The following SYT12 variants were observed in gnomAD, a reference collection of about 807,000 sequenced individuals.
SYT12 encodes the protein synaptotagmin-12.
SYT12 carries 27 observed loss-of-function variants against 39.5 expected under a neutral mutation model. The observed-to-expected ratio is 0.68, with a 90% CI of 0.50 to 0.94. The LOEUF (loss-of-function observed/expected upper bound fraction) is 0.94, where lower values mean the gene tolerates loss of function less well. Among genes scored for constraint, SYT12 ranks in the 40% least tolerant of loss-of-function variants. SYT12 has a pLI of 0.00. For synonymous variants in SYT12, 233 were observed against 239.7 expected, an observed-to-expected ratio of 0.97 and a Z score of 0.26; for missense variants, 536 against 572.6, an observed-to-expected ratio of 0.94 and a Z score of 0.65.
At chr11:67,044,747 T>C (rs577376002) in intron 6 of SYT12, 34 bp downstream of exon 6, 14 of 1,611,610 alleles carry the variant, frequency 8.7e-6, no homozygotes, top group Non-Finnish European at 1.2e-5. Context: ...CTCCTCCACG[T>C]AGCTCAGTGG....
At chr11:67,047,339 G>GC (rs71045976) in intron 7 of SYT12, among the ~76,000 whole-genome samples, 147,027 of 147,064 alleles carry the variant, frequency 1, 73,495 homozygotes, top group Admixed American at 1. Flanking sequence ...AGTGATCTTG[G>GC]TCACTGCAAC....
Position 67,043,245 on chromosome 11 carries a change from G to A in SYT12, c.622-393G>A, listed in dbSNP as rs552706409. The stretch of plus-strand genomic sequence containing the variant: ...TGGGCCAGGCTCTGCAGGAACCTGG[G>A]ACGTCAGTGGCTCGTGACTCCACAG... On this transcript the variant is annotated intron_variant, in intron 4 of 7. Coordinates refer to ENST00000527043, the MANE Select transcript of SYT12 (RefSeq NM_177963.4). Among the ~76,000 whole-genome samples the A allele has an allele frequency of 4.6e-5, 7 of 152,312 alleles. No homozygotes were observed. The South Asian group carries it at 1.5e-3, about 32-fold the overall frequency.
At chr11:67,014,575 C>T (rs1475560074) in intron 3 of SYT12, among the ~76,000 whole-genome samples, 1 of 152,192 alleles carries the variant, frequency 6.6e-6, no homozygotes, top group East Asian at 1.9e-4. Flanking sequence ...AGGCAGGGGA[C>T]CCAGCAACTG....
rs897160482 is a variant in SYT12, at chr11:67,050,410, A to G, written c.*1653A>G. On this transcript the variant is annotated 3_prime_UTR_variant, in exon 8 of 8. Transcript: ENST00000527043. Reference sequence around the variant, plus strand: ...TTCCTTGGTCCATAACTGGTGAGCTATGGAGACCCAGGCCAACAAATTATC... The same window carrying G: ...TTCCTTGGTCCATAACTGGTGAGCTGTGGAGACCCAGGCCAACAAATTATC... The G allele has an allele frequency of 5.2e-5, 8 of 152,558 alleles. No individual in the cohort carries two copies. The highest frequency in any genetic ancestry group is 7.3e-5 in the Non-Finnish European group (5 of 68,326). 9.5% of individuals were successfully genotyped at this position (152,558 alleles called of 1,614,324 possible).
chr11:67,039,725 C>T, intron 3 of SYT12, 86 bp from the exon 4 acceptor site: 4 of 1,461,550 alleles, frequency 2.7e-6, no homozygotes, highest in Non-Finnish European at 2.7e-6. Context: ...CGAGAATGAA[C>T]AGGCCTTACT....
intron 1 of SYT12, among the ~76,000 whole-genome samples, chr11:67,009,109 C>T (rs1329831913): frequency 2.0e-5 from 3 of 152,002 alleles, no homozygotes; most frequent in Admixed American, 6.6e-5. Context: ...CAGGCCCAAG[C>T]GATCCTCTAC....
At chr11:67,035,550 C>T (rs1174238838) in intron 3 of SYT12, among the ~76,000 whole-genome samples, 3 of 149,990 alleles carry the variant, frequency 2.0e-5, no homozygotes, top group Admixed American at 6.6e-5. Context: ...CTCCGCCTCC[C>T]GGGTTCACGC....
At chr11:67,020,854 G>A (rs966079626), upstream of SYT12, among the ~76,000 whole-genome samples, 3 of 152,046 alleles carry the variant, frequency 2.0e-5, no homozygotes, top group Non-Finnish European at 2.9e-5. Flanking sequence ...TCAGCCTCCC[G>A]AGTAGCTGGG....
intron 7 of SYT12, among the ~76,000 whole-genome samples, chr11:67,047,060 G>A (rs1055434770): frequency 6.6e-6 from 1 of 151,970 alleles, no homozygotes; most frequent in African/African-American, 2.4e-5. Context: ...CGCCTCCTGG[G>A]TTCAAATGAT....
intron 1 of SYT12, among the ~76,000 whole-genome samples, chr11:67,025,136 A>G (rs1950163997): frequency 6.6e-6 from 1 of 152,208 alleles, no homozygotes; most frequent in Admixed American, 6.5e-5. Flanking sequence ...TGCTACTTGT[A>G]TGCTAGGTGA....
rs564859353 is a variant in SYT12, at chr11:67,013,411, C to T, written c.-69+2417C>T. The stretch of plus-strand genomic sequence containing the variant: ...TCAGGGCCTGGCAGGGTTGCACCTT[C>T]TCCCCTTTCTCCCTGCAGCCCTTCC... On this transcript the variant is annotated intron_variant, in intron 3 of 10. Coordinates refer to the SYT12 transcript ENST00000393946. Among the ~76,000 whole-genome samples the T allele has an allele frequency of 4.6e-5, 7 of 152,316 alleles. No homozygotes were observed. The South Asian group carries it at 1.4e-3, about 32-fold the overall frequency.
intron 3 of SYT12, among the ~76,000 whole-genome samples, chr11:67,012,052 T>C (rs1950016922): frequency 6.8e-6 from 1 of 146,520 alleles, no homozygotes. Context: ...CGTGAGCCAC[T>C]GCGCCCGGGC....
intron 6 of SYT12, 23 bp downstream of exon 6, chr11:67,044,736 G>A (rs1230165292): frequency 1.2e-6 from 2 of 1,612,936 alleles, no homozygotes; most frequent in South Asian, 2.2e-5. Context: ...CGGCAGCCCG[G>A]CTCCTCCACG....
chr11:67,040,216 C>T lies in SYT12; in HGVS notation c.621+13C>T. ...GGGCATTTCTCGGGTAAGTGGGGCT[C>T]AGGGCGGGGCAGAAGGGTGCTCTGG... On this transcript the variant is annotated intron_variant, in intron 4 of 7. Transcript: ENST00000527043. The T allele has an allele frequency of 1.3e-6, 2 of 1,561,336 alleles. No individual in the cohort carries two copies. Among genetic ancestry groups the T allele is most frequent in the East Asian group, 4.5e-5 (2 of 44,348 alleles).
intron 4 of SYT12, among the ~76,000 whole-genome samples, chr11:67,040,415 G>A (rs138678725): frequency 3.3e-4 from 51 of 152,314 alleles, no homozygotes; most frequent in African/African-American, 1.2e-3. Context: ...ATTGTGTGGA[G>A]TTCTTAGCGG....
intron 7 of SYT12, among the ~76,000 whole-genome samples, chr11:67,048,269 A>C (rs1854631093): frequency 8.0e-6 from 1 of 124,770 alleles, no homozygotes. Context: ...AGACTGTCTC[A>C]AAAAAAAAAA....
chr11:67,019,594 G>GA (rs1321183220), upstream of SYT12, among the ~76,000 whole-genome samples: 1 of 152,014 alleles, frequency 6.6e-6, no homozygotes, highest in East Asian at 1.9e-4. Flanking sequence ...GGAATTATGG[G>GA]AACTACAATC....
upstream of SYT12, among the ~76,000 whole-genome samples, chr11:67,023,127 C>T (rs543971566): frequency 6.6e-6 from 1 of 152,304 alleles, no homozygotes; most frequent in South Asian, 2.1e-4. Flanking sequence ...CCCGGACGCG[C>T]TTGGGGATCT....
In SYT12 at chr11:67,045,821, C is replaced by T. The variant is rs758222211; in HGVS notation, c.1036C>T (p.Pro346Ser). 6.2e-7 allele frequency: 1 copy of T among 1,613,674 alleles called. No individual in the cohort carries two copies. Among genetic ancestry groups the T allele is most frequent in the Non-Finnish European group, 8.5e-7 (1 of 1,179,924 alleles). The change falls in exon 7 of 8, where the codon CCC becomes TCC. Residue 346 changes from proline (P) to serine (S), a missense_variant. Physicochemically the swap from Pro to Ser is moderately conservative, Grantham distance 74. Coordinates refer to ENST00000527043, the MANE Select transcript of SYT12 (RefSeq NM_177963.4). ...KKKTAVKRDD[P>S]NPVFNEAMIF... ...GAAGACAGCCGTGAAGAGGGATGAC[C>T]CCAACCCGGTGTTCAACGAAGCCAT...
Sources: gnomAD v4.1 joint callset for allele counts (sites outside exome capture counted in the v4.1 genomes callset) on GRCh38, gnomAD v4.1.1 for gene constraint, MANE v1.5 for transcripts, NCBI Gene and HGNC (gene_info 2026-07-23, HGNC 2026-07-21) for gene names.